The following IGSF11 variants were observed in gnomAD, a reference collection of about 807,000 sequenced individuals.
IGSF11 encodes immunoglobulin superfamily member 11, also known as CXADR like 1.
In IGSF11, 22 loss-of-function variants were observed where a neutral mutation model predicts 41.0. The ratio of observed to expected loss-of-function variants is 0.54; its 90% CI spans 0.38 to 0.77. IGSF11 has a LOEUF of 0.77. Ranked by LOEUF, IGSF11 falls within the 30% of genes least tolerant of loss-of-function variation. IGSF11 has a pLI of 0.00. For missense variants in IGSF11, 444 were observed against 530.8 expected (o/e 0.84, Z 1.61); for synonymous variants, 219 against 201.3 (o/e 1.09, Z -0.74).
At chr3:118,938,040 AAT>A (rs1491120185) in intron 1 of IGSF11, among the ~76,000 whole-genome samples, 1 of 149,358 alleles carries the variant, frequency 6.7e-6, no homozygotes, top group Non-Finnish European at 1.5e-5. Flanking sequence ...ATATATATAA[AAT>A]GTGTGTGTGT....
At chr3:119,035,610 G>T (rs1940859233), upstream of IGSF11, among the ~76,000 whole-genome samples, 4 of 152,162 alleles carry the variant, frequency 2.6e-5, no homozygotes, top group South Asian at 8.3e-4. Context: ...TTGTTTAGTT[G>T]GGTTTTTTGT....
chr3:118,914,056 GT>G (rs931300259), intron 4 of IGSF11, among the ~76,000 whole-genome samples: 2 of 151,440 alleles, frequency 1.3e-5, no homozygotes, highest in South Asian at 2.1e-4. Flanking sequence ...AGAGAGTAGA[GT>G]TTTTTTTTAC....
At chr3:119,114,081 G>A (rs1042187332) in intron 1 of IGSF11, among the ~76,000 whole-genome samples, 1 of 152,196 alleles carries the variant, frequency 6.6e-6, no homozygotes, top group Non-Finnish European at 1.5e-5. Context: ...AGGGCCCTGG[G>A]CCCAGCCCAT....
Position 119,094,908 on chromosome 3 carries a change from A to G in IGSF11, c.49+10236T>C, listed in dbSNP as rs554558925. ...GCTGGTCTCGAACACCTGACCTCAG[A>G]TGATCCAGCCGCCTCGGCCTCCCAA... is the stretch of plus-strand genomic sequence containing the variant. On this transcript the variant is annotated intron_variant, in intron 1 of 6. Coordinates refer to the IGSF11 transcript ENST00000354673. Among the ~76,000 whole-genome samples the G allele has an allele frequency of 7.9e-5, 12 of 152,032 alleles. No individual in the cohort carries two copies. The East Asian group carries it at 2.3e-3, about 30-fold the overall frequency.
intron 1 of IGSF11, among the ~76,000 whole-genome samples, chr3:119,067,634 T>A (rs1287219590): frequency 6.6e-6 from 1 of 151,672 alleles, no homozygotes; most frequent in African/African-American, 2.4e-5. Context: ...GAAAAAACTT[T>A]AGATTTTTTT....
intron 4 of IGSF11, among the ~76,000 whole-genome samples, chr3:118,920,797 T>C (rs903211039): frequency 2.6e-5 from 4 of 152,180 alleles, no homozygotes; most frequent in African/African-American, 9.7e-5. Context: ...ATGTAAAATA[T>C]TGCTAAAGAT....
chr3:118,920,337 A>T (rs918230010), intron 4 of IGSF11, among the ~76,000 whole-genome samples: 45 of 149,490 alleles, frequency 3.0e-4, no homozygotes, highest in African/African-American at 9.2e-4. Flanking sequence ...AAAAATAAAT[A>T]AATTAAATAA....
intron 1 of IGSF11, among the ~76,000 whole-genome samples, chr3:119,104,695 G>A (rs1302284902): frequency 6.6e-6 from 1 of 152,088 alleles, no homozygotes; most frequent in Non-Finnish European, 1.5e-5. Context: ...CTGAACTCCA[G>A]CACTCCAAAG....
intron 1 of IGSF11, among the ~76,000 whole-genome samples, chr3:118,952,465 G>C (rs772480806): frequency 1.1e-4 from 17 of 152,014 alleles, no homozygotes; most frequent in Non-Finnish European, 1.9e-4. Context: ...ATCCTTTGTT[G>C]TCAGTTCAAC....
rs917831536 is a variant in IGSF11 at position 118,992,415 on chromosome 3, G to A, written c.52+42116C>T. Among the ~76,000 whole-genome samples the A allele has an allele frequency of 2.7e-4, 41 of 152,156 alleles. 1 individual carries two copies. Among genetic ancestry groups the A allele is most frequent in the Admixed American group, 1.8e-3 (28 of 15,278 alleles). Reference sequence around the variant, plus strand: ...TCAGCACATAGTTAATTTAGATGGCGTTCTTTAAACATTTAGCAAAAAGTG... The same window carrying A: ...TCAGCACATAGTTAATTTAGATGGCATTCTTTAAACATTTAGCAAAAAGTG... On this transcript the variant is annotated intron_variant, in intron 1 of 6. Transcript: ENST00000393775.
intron 1 of IGSF11, among the ~76,000 whole-genome samples, chr3:118,999,232 T>C (rs1244298205): frequency 6.6e-6 from 1 of 152,038 alleles, no homozygotes; most frequent in African/African-American, 2.4e-5. Flanking sequence ...CATATAAATA[T>C]ATTAGCTAAG....
At chr3:119,119,352 A>C (rs1013062586) in intron 1 of IGSF11, among the ~76,000 whole-genome samples, 5 of 152,162 alleles carry the variant, frequency 3.3e-5, no homozygotes, top group Non-Finnish European at 7.4e-5. Context: ...AGTCAAAGAG[A>C]GCTTGTGCAG....
At chr3:119,018,097 C>T (rs1938927171) in intron 1 of IGSF11, among the ~76,000 whole-genome samples, 1 of 152,046 alleles carries the variant, frequency 6.6e-6, no homozygotes, top group East Asian at 1.9e-4. Flanking sequence ...TTTAATAATT[C>T]CCCTTTGAAT....
At chr3:119,017,776 C>CT (rs567222914) in intron 1 of IGSF11, among the ~76,000 whole-genome samples, 5,234 of 100,236 alleles carry the variant, frequency 0.052, 190 homozygotes, top group Admixed American at 0.11. Flanking sequence ...GTTTGTTTTA[C>CT]TTTTTTTTTT....
intron 4 of IGSF11, among the ~76,000 whole-genome samples, chr3:118,907,716 A>C (rs959452135): frequency 6.6e-6 from 1 of 152,220 alleles, no homozygotes; most frequent in African/African-American, 2.4e-5. Context: ...TTTCAAAGAT[A>C]ACTCAAAAAA....
At chr3:119,033,643 T>G (rs1252060959) in intron 1 of IGSF11, among the ~76,000 whole-genome samples, 1 of 152,044 alleles carries the variant, frequency 6.6e-6, no homozygotes, top group African/African-American at 2.4e-5. Context: ...AAAAACAGGG[T>G]TAACCACAAA....
intron 1 of IGSF11, among the ~76,000 whole-genome samples, chr3:118,954,012 T>G (rs970872023): frequency 6.6e-6 from 1 of 152,200 alleles, no homozygotes; most frequent in African/African-American, 2.4e-5. Flanking sequence ...CAATGTTATC[T>G]TCTAGAATTT....
chr3:119,066,375 T>C lies in IGSF11; in HGVS notation c.49+38769A>G, dbSNP rs527894387. Among the ~76,000 whole-genome samples the C allele has an allele frequency of 2.0e-5, 3 of 152,358 alleles. No individual in the cohort carries two copies. The South Asian group carries it at 6.2e-4, about 32-fold the overall frequency. ...GTCTTTTTTGGATTTACCATATTTA[T>C]AGTTTGCTGTGATTTATTTTCAAAG... On this transcript the variant is annotated intron_variant, in intron 1 of 6. Coordinates refer to the IGSF11 transcript ENST00000354673.
At chr3:119,081,043 A>G (rs558010140) in intron 1 of IGSF11, among the ~76,000 whole-genome samples, 2 of 152,122 alleles carry the variant, frequency 1.3e-5, no homozygotes, top group Non-Finnish European at 2.9e-5. Flanking sequence ...TAAAATGAAT[A>G]CTCAATGTTT....
Sources: gnomAD v4.1 joint callset for allele counts (sites outside exome capture counted in the v4.1 genomes callset) on GRCh38, gnomAD v4.1.1 for gene constraint, MANE v1.5 for transcripts, NCBI Gene and HGNC (gene_info 2026-07-23, HGNC 2026-07-21) for gene names.